DOCK4: variants seen among roughly 807,000 people sequenced by gnomAD.
DOCK4 encodes dedicator of cytokinesis protein 4.
DOCK4 carries 97 observed loss-of-function variants against 268.1 expected under a neutral mutation model. The ratio of observed to expected loss-of-function variants is 0.36; its 90% confidence interval spans 0.31 to 0.43. The LOEUF is 0.43. Among genes scored for constraint, DOCK4 ranks in the 20% least tolerant of loss-of-function variants. The pLI is 1.00. For missense variants in DOCK4, 2,145 were observed against 2,455.7 expected (o/e 0.87, Z 2.67); for synonymous variants, 954 against 887.2 (o/e 1.08, Z -1.34).
rs370080552 is a variant in DOCK4 at position 111,847,185 on chromosome 7, C to A, written c.2474-59G>T. On this transcript the variant is annotated intron_variant, in intron 23 of 52. Transcript: ENST00000428084. Reference sequence around the variant, plus strand: ...TTGGAGTCCCACGCAATACCTAGGGCAAATCCTTATCTACTTTTAATTCAA... The same window carrying A: ...TTGGAGTCCCACGCAATACCTAGGGAAAATCCTTATCTACTTTTAATTCAA... The A allele has an allele frequency of 6.9e-6, 11 of 1,586,440 alleles. No individual in the cohort carries two copies. The African/African-American group carries it at 1.5e-4, about 21-fold the overall frequency.
At chr7:111,816,218 C>T (rs1352772075) in intron 27 of DOCK4, among the ~76,000 whole-genome samples, 4 of 151,980 alleles carry the variant, frequency 2.6e-5, no homozygotes, top group Admixed American at 2.0e-4. Flanking sequence ...ATACACAAGC[C>T]CGTCTCCAAA....
At chr7:112,028,977 G>A (rs767746859) in intron 1 of DOCK4, among the ~76,000 whole-genome samples, 4 of 152,168 alleles carry the variant, frequency 2.6e-5, no homozygotes, top group African/African-American at 4.8e-5. Context: ...ATATAAATCA[G>A]ATACCCAGTA....
chr7:111,872,092 TA>T lies in DOCK4; in HGVS notation c.1927-3del. ...TTGCAGCAAATTTATTATGTGAACC[TA>T]AAAAAAGAAAATTGAGCTTTATAAA... On this transcript the variant is annotated splice_region_variant and splice_polypyrimidine_tract_variant and intron_variant, in intron 19 of 52. Coordinates refer to ENST00000428084, the MANE Select transcript of DOCK4 (RefSeq NM_001363540.2). The T allele has an allele frequency of 6.6e-7, 1 of 1,524,294 alleles. No homozygotes were observed. The highest frequency in any genetic ancestry group is 2.3e-5 in the Admixed American group (1 of 44,354). The allele number at this position is 1,524,294 out of a possible 1,614,324, so 94.4% of individuals were successfully genotyped here. A position where few individuals can be genotyped will look rare whatever the true frequency, so the allele number is the denominator to read the frequency against.
At chr7:112,003,431 A>C (rs990888578) in intron 2 of DOCK4, among the ~76,000 whole-genome samples, 3 of 152,308 alleles carry the variant, frequency 2.0e-5, no homozygotes, top group African/African-American at 7.2e-5. Context: ...TTGATCAGAA[A>C]TCTTTTTAAG....
At position 111,834,691 on chromosome 7, in the gene DOCK4, G is replaced by T. The variant is rs77566770; in HGVS notation, c.2737-5C>A. On this transcript the variant is annotated splice_region_variant and splice_polypyrimidine_tract_variant and intron_variant, in intron 25 of 52. Transcript: ENST00000428084. ...GAGACAAGCAACAAACTCCCCCTAA[G>T]TTAAAAAAAAAAAAAGCATACATTT... is the stretch of plus-strand genomic sequence containing the variant. 4 of 1,398,806 alleles carry T rather than the reference G, an allele frequency of 2.9e-6. No individual in the cohort carries two copies. The highest frequency in any genetic ancestry group is 3.8e-6 in the Non-Finnish European group (4 of 1,048,884). 86.6% of individuals were successfully genotyped at this position (1,398,806 alleles called of 1,614,324 possible). A position where few individuals can be genotyped will look rare whatever the true frequency, so the allele number is the denominator to read the frequency against.
chr7:112,163,575 T>C (rs1028600166), intron 1 of DOCK4, among the ~76,000 whole-genome samples: 1 of 152,074 alleles, frequency 6.6e-6, no homozygotes, highest in South Asian at 2.1e-4. Context: ...TATTGACTTA[T>C]TATTTATTTA....
At chr7:112,128,535 A>T (rs1813479019) in intron 1 of DOCK4, among the ~76,000 whole-genome samples, 1 of 152,242 alleles carries the variant, frequency 6.6e-6, no homozygotes, top group Non-Finnish European at 1.5e-5. Context: ...GTGTAGAAAG[A>T]AGTAGACATG....
At chr7:111,820,990 A>G (rs1394133656) in intron 27 of DOCK4, 1 of 152,168 alleles carries the variant, frequency 6.6e-6, no homozygotes, top group Non-Finnish European at 1.5e-5. Flanking sequence ...CTACTCACAG[A>G]TATCAAACTA....
At chr7:111,747,146 G>T in intron 43 of DOCK4, 121 bp downstream of exon 43, 1 of 837,610 alleles carries the variant, frequency 1.2e-6, no homozygotes. Context: ...AAAGGACTCT[G>T]TGTCAATCGC....
intron 1 of DOCK4, among the ~76,000 whole-genome samples, chr7:112,042,151 A>C (rs536502966): frequency 7.1e-4 from 108 of 152,322 alleles, no homozygotes; most frequent in Middle Eastern, 6.8e-3. Flanking sequence ...AAAAAAAAGA[A>C]AAAAGATTAT....
At chr7:111,745,836 C>CT (rs1001488004) in intron 44 of DOCK4, among the ~76,000 whole-genome samples, 3 of 151,862 alleles carry the variant, frequency 2.0e-5, no homozygotes, top group Non-Finnish European at 4.4e-5. Context: ...ATCAGAAATC[C>CT]TCCAAAATTT....
intron 1 of DOCK4, among the ~76,000 whole-genome samples, chr7:112,055,096 A>G (rs1357643528): frequency 6.6e-6 from 1 of 152,226 alleles, no homozygotes; most frequent in African/African-American, 2.4e-5. Flanking sequence ...GTCAAACAAT[A>G]TATAATGAAA....
rs577707101 is a variant in DOCK4, at chr7:111,940,248, C to G, written c.845-6G>C. 1.2e-6 allele frequency: 2 copies of G among 1,613,860 alleles called. No homozygotes were observed. Among genetic ancestry groups the G allele is most frequent in the African/African-American group, 2.7e-5 (2 of 75,008 alleles). On this transcript the variant is annotated splice_polypyrimidine_tract_variant and splice_region_variant and intron_variant, in intron 10 of 52. Transcript: ENST00000428084. ...TTCTCCTGCTCCCATTCGACCTGTT[C>G]AATTAAAGAGCAATCATTAACCCAT...
intron 1 of DOCK4, among the ~76,000 whole-genome samples, chr7:112,049,124 A>G (rs528502505): frequency 1.4e-4 from 22 of 152,312 alleles, no homozygotes; most frequent in African/African-American, 5.3e-4. Flanking sequence ...ACATGGGTAA[A>G]TATTTTTTTT....
At chr7:112,042,501 T>G (rs187085560) in intron 1 of DOCK4, among the ~76,000 whole-genome samples, 5 of 152,266 alleles carry the variant, frequency 3.3e-5, no homozygotes, top group African/African-American at 1.2e-4. Flanking sequence ...GCTAGAAGAC[T>G]AACACATGCT....
chr7:111,854,721 A>T (rs778481760), intron 23 of DOCK4, among the ~76,000 whole-genome samples: 13 of 152,126 alleles, frequency 8.5e-5, no homozygotes, highest in Non-Finnish European at 1.8e-4. Flanking sequence ...TCCCTAACCC[A>T]TGATTCAGTC....
intron 25 of DOCK4, among the ~76,000 whole-genome samples, chr7:111,835,749 A>AGG (rs1490382536): frequency 1.3e-5 from 2 of 152,180 alleles, no homozygotes; most frequent in African/African-American, 4.8e-5. Flanking sequence ...AGAGACTAAA[A>AGG]GCCCTGAGAA....
At chr7:111,813,330 A>G (rs1373272194) in intron 27 of DOCK4, among the ~76,000 whole-genome samples, 2 of 152,158 alleles carry the variant, frequency 1.3e-5, no homozygotes, top group Middle Eastern at 3.4e-3. Context: ...GCTAATATAG[A>G]TTATATTTAC....
chr7:111,761,321 T>C (rs138277291), intron 39 of DOCK4, among the ~76,000 whole-genome samples: 1 of 152,096 alleles, frequency 6.6e-6, no homozygotes. Context: ...CGGCCTCCCA[T>C]AGTGCTGGGA....
Sources: allele counts gnomAD v4.1 joint callset (sites outside exome capture counted in the v4.1 genomes callset), GRCh38; gene constraint gnomAD v4.1.1; transcripts MANE v1.5; gene names NCBI Gene and HGNC (gene_info 2026-07-23, HGNC 2026-07-21).